The following ILDR2 variants were observed in gnomAD, a reference collection of about 807,000 sequenced individuals.
ILDR2 encodes the protein immunoglobulin like domain containing receptor 2, also known as immunoglobulin-like domain-containing receptor 2.
In ILDR2, 25 loss-of-function variants were observed where a neutral mutation model predicts 66.8. The ratio of observed to expected loss-of-function variants is 0.37; its 90% CI spans 0.27 to 0.52. The LOEUF is 0.52. Among genes scored for constraint, ILDR2 ranks in the 20% least tolerant of loss-of-function variants. The pLI is 0.88. For synonymous variants in ILDR2, 367 were observed against 357.2 expected (o/e 1.03, Z -0.31); for missense variants, 827 against 876.8 (o/e 0.94, Z 0.72).
chr1:166,941,067 C>G (rs939193518), intron 3 of ILDR2, among the ~76,000 whole-genome samples: 1 of 152,180 alleles, frequency 6.6e-6, no homozygotes, highest in Non-Finnish European at 1.5e-5. Flanking sequence ...CTCTCCTCAA[C>G]TCTACAAGGC....
chr1:166,900,591 C>T (rs967708903), intron 2 of ILDR2, among the ~76,000 whole-genome samples: 1 of 152,164 alleles, frequency 6.6e-6, no homozygotes, highest in African/African-American at 2.4e-5. Flanking sequence ...GATGGGTAAA[C>T]CACAGCTCAG....
At chr1:166,969,362 C>A (rs1663147130) in intron 1 of ILDR2, among the ~76,000 whole-genome samples, 1 of 152,320 alleles carries the variant, frequency 6.6e-6, no homozygotes, top group African/African-American at 2.4e-5. Flanking sequence ...TGTTCCTTGG[C>A]CTGTAAAGAA....
intron 1 of ILDR2, 23 bp downstream of exon 1, chr1:166,975,200 T>C (rs1663525524): frequency 1.9e-6 from 3 of 1,591,174 alleles, no homozygotes; most frequent in East Asian, 2.2e-5. Flanking sequence ...AAGTTATTCG[T>C]TTCTGTTGAA....
chr1:166,928,450 C>T (rs555954134), intron 6 of ILDR2, among the ~76,000 whole-genome samples: 2 of 152,172 alleles, frequency 1.3e-5, no homozygotes, highest in African/African-American at 4.8e-5. Context: ...TTAGCTATGC[C>T]ATGGGTTGTA....
chr1:166,958,110 C>A lies in ILDR2; in HGVS notation c.47-9G>T, dbSNP rs1383424248. ...AAGGCCTTCGACCATGGCTGCAAAA[C>A]AGAATAAACATGTCCGAACAGTGTC... On this transcript the variant is annotated splice_polypyrimidine_tract_variant and intron_variant, in intron 1 of 9. Coordinates refer to ENST00000271417, the MANE Select transcript of ILDR2 (RefSeq NM_199351.3). 1.2e-6 allele frequency: 2 copies of A among 1,600,764 alleles called. No individual in the cohort carries two copies. The highest frequency in any genetic ancestry group is 1.7e-6 in the Non-Finnish European group (2 of 1,169,740).
intron 1 of ILDR2, among the ~76,000 whole-genome samples, chr1:166,965,380 T>C (rs1384598440): frequency 6.6e-6 from 1 of 152,108 alleles, no homozygotes; most frequent in Non-Finnish European, 1.5e-5. Context: ...AATAATTTTG[T>C]ATATGAAACA....
chr1:166,953,494 G>C (rs2142615), intron 3 of ILDR2, among the ~76,000 whole-genome samples: 29,121 of 151,890 alleles, frequency 0.19, 2,946 homozygotes, highest in African/African-American at 0.24. Flanking sequence ...CCTGTTTTCT[G>C]CTCCCCATTT....
rs1659460985 is a variant in ILDR2 at position 166,911,017 on chromosome 1, C to A, written c.*8338G>T. On this transcript the variant is annotated 3_prime_UTR_variant, in exon 10 of 10. Transcript: ENST00000271417. ...GCTCAAGCTATCCTCCCACCTTTGT[C>A]TCCCTAACTGTTGGGATTTCAGGTG... is the stretch of plus-strand genomic sequence containing the variant. The A allele has an allele frequency of 6.6e-6, 1 of 152,144 alleles. No individual in the cohort carries two copies. The highest frequency in any genetic ancestry group is 2.1e-4 in the South Asian group (1 of 4,828). 9.4% of individuals were successfully genotyped at this position (152,144 alleles called of 1,614,324 possible). A position where few individuals can be genotyped will look rare whatever the true frequency, so the allele number is the denominator to read the frequency against.
intron 7 of ILDR2, among the ~76,000 whole-genome samples, chr1:166,923,828 A>T (rs1188402269): frequency 6.6e-6 from 1 of 152,256 alleles, no homozygotes; most frequent in Non-Finnish European, 1.5e-5. Flanking sequence ...TTAAAAAATA[A>T]ATCTACTGAA....
chr1:166,938,909 A>G (rs1408322459), intron 4 of ILDR2, among the ~76,000 whole-genome samples: 1 of 152,234 alleles, frequency 6.6e-6, no homozygotes, highest in Non-Finnish European at 1.5e-5. Flanking sequence ...AACTGAAGGT[A>G]CATAAAAAGA....
intron 3 of ILDR2, among the ~76,000 whole-genome samples, chr1:166,941,224 C>T (rs1661295614): frequency 6.6e-6 from 1 of 152,186 alleles, no homozygotes; most frequent in Admixed American, 6.5e-5. Context: ...ATACAGCTTC[C>T]TTCTTTCTGT....
intron 1 of ILDR2, among the ~76,000 whole-genome samples, chr1:166,964,938 C>T (rs1662840909): frequency 6.6e-6 from 1 of 152,130 alleles, no homozygotes; most frequent in Non-Finnish European, 1.5e-5. Context: ...TAAGCTATTC[C>T]TGCCAGCATC....
At position 166,920,913 on chromosome 1, in the gene ILDR2, G is replaced by A; in HGVS notation, c.1678C>T (p.Pro560Ser). ...CAAGCGTAGTAGGAGGCGCTGCGCG[G>A]GCCGAGCTGCGCGCTCCGCTTGGAT... ...TPSKRSAQLGPRSASYYAWSP... is the reference protein window; with the variant it reads ...TPSKRSAQLGSRSASYYAWSP... Residue 560 changes from proline (P) to serine (S), a missense_variant, in exon 9 of 10, where the codon CCG (proline) becomes TCG (serine). By Grantham distance (74) the Pro-to-Ser change is moderately conservative (BLOSUM62 -1). Coordinates refer to ENST00000271417, the MANE Select transcript of ILDR2 (RefSeq NM_199351.3). The A allele has an allele frequency of 1.4e-6, 2 of 1,476,866 alleles. No individual in the cohort carries two copies. The highest frequency in any genetic ancestry group is 1.8e-6 in the Non-Finnish European group (2 of 1,120,254). 91.5% of individuals were successfully genotyped at this position (1,476,866 alleles called of 1,614,324 possible).
intron 6 of ILDR2, among the ~76,000 whole-genome samples, chr1:166,930,180 A>G (rs946099366): frequency 1.3e-5 from 2 of 152,176 alleles, no homozygotes; most frequent in Non-Finnish European, 1.5e-5. Context: ...ACTAGAGCAT[A>G]GTTTTCTATG....
intron 3 of ILDR2, among the ~76,000 whole-genome samples, chr1:166,941,711 C>CTTGGTGTA: frequency 6.6e-6 from 1 of 152,106 alleles, no homozygotes; most frequent in Admixed American, 6.5e-5. Flanking sequence ...AAATATATAT[C>CTTGGTGTA]TTGGTGTATC....
At chr1:166,973,513 A>G (rs557967542) in intron 1 of ILDR2, among the ~76,000 whole-genome samples, 30 of 149,006 alleles carry the variant, frequency 2.0e-4, no homozygotes, top group Non-Finnish European at 4.0e-4. Context: ...AGAGAGCTCT[A>G]TGTTTCCCTT....
At chr1:166,970,867 C>T (rs777092020) in intron 1 of ILDR2, among the ~76,000 whole-genome samples, 2 of 152,056 alleles carry the variant, frequency 1.3e-5, no homozygotes, top group African/African-American at 4.8e-5. Flanking sequence ...GGACGAGGTA[C>T]GTTCCACAGA....
chr1:166,905,454 T>C (rs1381463315), downstream of ILDR2, among the ~76,000 whole-genome samples: 1 of 152,220 alleles, frequency 6.6e-6, no homozygotes, highest in East Asian at 1.9e-4. Flanking sequence ...TGTTACCTTT[T>C]AGACTAAATG....
chr1:166,915,432 TA>T lies in ILDR2; in HGVS notation c.*3922del, dbSNP rs1659605767. On this transcript the variant is annotated 3_prime_UTR_variant, in exon 10 of 10. Transcript: ENST00000271417. ...CACAGGAGTCTCCTGGAATGCATAT[TA>T]AAAATATGAATTCTGGCTCTAGACC... The T allele has an allele frequency of 6.6e-6, 1 of 152,208 alleles. No individual in the cohort carries two copies. Among genetic ancestry groups the T allele is most frequent in the African/African-American group, 2.4e-5 (1 of 41,454 alleles). 9.4% of individuals were successfully genotyped at this position (152,208 alleles called of 1,614,324 possible).
Sources: gnomAD v4.1 joint callset for allele counts (sites outside exome capture counted in the v4.1 genomes callset) on GRCh38, gnomAD v4.1.1 for gene constraint, MANE v1.5 for transcripts, NCBI Gene and HGNC (gene_info 2026-07-23, HGNC 2026-07-21) for gene names.